RIF1: variants seen among roughly 807,000 people sequenced by gnomAD.
The protein encoded by RIF1 is telomere-associated protein RIF1.
In RIF1, 45 loss-of-function variants were observed where a neutral mutation model predicts 247.1. That is an observed-to-expected ratio of 0.18 (90% CI 0.14 to 0.23). The LOEUF is 0.23. Among genes scored for constraint, RIF1 ranks in the 10% least tolerant of loss-of-function variants. The pLI is 1.00. For synonymous variants in RIF1, 1,087 were observed against 978.8 expected (o/e 1.11, Z -2.06); for missense variants, 2,967 against 2,862.5 (o/e 1.04, Z -0.83).
intron 22 of RIF1, among the ~76,000 whole-genome samples, chr2:151,455,804 T>G (rs1179437767): frequency 6.6e-6 from 1 of 152,180 alleles, no homozygotes; most frequent in African/African-American, 2.4e-5. Context: ...CCATGGATAC[T>G]GAGGGATTTC....
At chr2:151,438,032 T>G (rs190425412) in intron 13 of RIF1, among the ~76,000 whole-genome samples, 1 of 152,336 alleles carries the variant, frequency 6.6e-6, no homozygotes, top group Non-Finnish European at 1.5e-5. Flanking sequence ...TTTTTTCTAT[T>G]GGTTGTTAGA....
downstream of RIF1, chr2:151,508,057 A>C (rs755294228): frequency 1.9e-6 from 3 of 1,611,164 alleles, no homozygotes; most frequent in Non-Finnish European, 2.5e-6. Flanking sequence ...TGGGGTGTCC[A>C]AAACAGTCTC....
intron 15 of RIF1, among the ~76,000 whole-genome samples, chr2:151,440,997 T>G (rs941514179): frequency 6.6e-6 from 1 of 152,174 alleles, no homozygotes; most frequent in African/African-American, 2.4e-5. Context: ...TTCATACCAG[T>G]ATATTACCAC....
chr2:151,534,424 GGC>G, the RIF1 span: 1 of 920,656 alleles, frequency 1.1e-6, no homozygotes. Context: ...CATCTCTAGT[GGC>G]GGGCTCCCAA....
At chr2:151,530,328 C>A in the RIF1 span, among the ~76,000 whole-genome samples, 10 of 152,134 alleles carry the variant, frequency 6.6e-5, no homozygotes, top group Admixed American at 5.2e-4. Context: ...GTTTTTCCAT[C>A]CTGGGCCTGG....
Position 151,481,848 on chromosome 2 carries a change from G to A in RIF1, c.*6777G>A, listed in dbSNP as rs75942488. ...CGCTCATTATGAGAATCTAATACCC[G>A]ATGATCTGAGGTGGAACAGTCTCAT... On this transcript the variant is annotated 3_prime_UTR_variant, in exon 36 of 36. Transcript: ENST00000444746. The A allele has an allele frequency of 6.6e-6, 1 of 152,174 alleles. No homozygotes were observed. The highest frequency in any genetic ancestry group is 1.5e-5 in the Non-Finnish European group (1 of 68,036). 9.4% of individuals were successfully genotyped at this position (152,174 alleles called of 1,614,324 possible).
Position 151,463,290 on chromosome 2 carries a change from T to G in RIF1, c.3770T>G (p.Ile1257Ser). ...GTGAAAAATAACCAGGAAACCATGA[T>G]TAAAACAGATTTTCTACCAAAAGCA... ...VTVKNNQETM[I>S]KTDFLPKAKQ... Residue 1257 changes from isoleucine (I) to serine (S), a missense_variant, in exon 30 of 36, where the codon ATT becomes AGT. This residue lies in a region of RIF1 where 2,028 missense variants were observed against 1,825.6 expected (regional missense o/e 1.11). Transcript: ENST00000444746. 6.2e-7 allele frequency: 1 copy of G among 1,612,710 alleles called. No individual in the cohort carries two copies. Among genetic ancestry groups the G allele is most frequent in the Non-Finnish European group, 8.5e-7 (1 of 1,179,662 alleles).
chr2:151,487,956 T>C (rs1269358493), intron 9 of RIF1, among the ~76,000 whole-genome samples: 1 of 152,154 alleles, frequency 6.6e-6, no homozygotes, highest in Admixed American at 6.5e-5. Context: ...TGATACAATA[T>C]GATATTTGAT....
chr2:151,473,189 TG>T (rs2048688582), intron 34 of RIF1, among the ~76,000 whole-genome samples: 1 of 152,148 alleles, frequency 6.6e-6, no homozygotes, highest in East Asian at 1.9e-4. Context: ...TGCTGAGTCA[TG>T]TGGTTACTGA....
chr2:151,498,071 T>C, intron 10 of RIF1: 1 of 1,459,850 alleles, frequency 6.9e-7, no homozygotes, highest in East Asian at 2.5e-5. Flanking sequence ...CATGTTTGTT[T>C]GTAAATATCA....
At chr2:151,514,750 A>T in the RIF1 span, 1 of 1,123,034 alleles carries the variant, frequency 8.9e-7, no homozygotes. Flanking sequence ...TAGGAGGAAC[A>T]CATTAATGAG....
intron 3 of RIF1, among the ~76,000 whole-genome samples, chr2:151,413,751 A>G (rs1030818601): frequency 1.3e-5 from 2 of 152,218 alleles, no homozygotes; most frequent in African/African-American, 4.8e-5. Flanking sequence ...TTCGTTTTGT[A>G]AATATAGAAG....
In RIF1 at chr2:151,464,380, A is replaced by G; in HGVS notation, c.4860A>G (p.Glu1620=). The change falls in exon 30 of 36, where the codon GAA becomes GAG. Residue 1620 remains glutamate, a synonymous_variant. Coordinates refer to ENST00000444746, the MANE Select transcript of RIF1 (RefSeq NM_018151.5). ...TAAGCATAAAATCTCCGATTTGCGA[A>G]AAACAAGATGAAAGTAATACTGTAA... ...EDVSIKSPIC[E]KQDESNTVIC... 6.2e-7 allele frequency: 1 copy of G among 1,610,390 alleles called. No individual in the cohort carries two copies. The highest frequency in any genetic ancestry group is 2.2e-5 in the East Asian group (1 of 44,864).
chr2:151,465,380 G>A lies in RIF1; in HGVS notation c.5860G>A (p.Ala1954Thr), dbSNP rs1439194110. ...AAATAAAAGAAATGATGACTCTGAAGCAGACACAGCTAAACTGAATGCCAA... is the reference window on the plus strand; with the variant it reads ...AAATAAAAGAAATGATGACTCTGAAACAGACACAGCTAAACTGAATGCCAA... ...EENKRNDDSEADTAKLNAKEV... is the reference protein window; with the variant it reads ...EENKRNDDSETDTAKLNAKEV... Residue 1954 changes from alanine (A) to threonine (T), a missense_variant, in exon 30 of 36, where the codon GCA (alanine) becomes ACA (threonine). By Grantham distance (58) the Ala-to-Thr change is moderately conservative. Coordinates refer to ENST00000444746, the MANE Select transcript of RIF1 (RefSeq NM_018151.5). 16 of 1,613,544 alleles carry A rather than the reference G, an allele frequency of 9.9e-6. No individual in the cohort carries two copies. The highest frequency in any genetic ancestry group is 1.3e-5 in the Non-Finnish European group (15 of 1,179,892).
chr2:151,531,308 C>CTTTTTTTTT, the RIF1 span, among the ~76,000 whole-genome samples: 3 of 84,010 alleles, frequency 3.6e-5, no homozygotes, highest in Non-Finnish European at 6.6e-5. Flanking sequence ...TTTTTTCTTT[C>CTTTTTTTTT]TTTTTTTTTT....
At chr2:151,506,327 C>G in exon 13 of RIF1, 1 of 1,174,636 alleles carries the variant, frequency 8.5e-7, no homozygotes, top group South Asian at 1.4e-5. Flanking sequence ...TGGAGAAAGA[C>G]TAGGACACAT....
chr2:151,513,471 A>G, the RIF1 span: 1 of 763,954 alleles, frequency 1.3e-6, no homozygotes, highest in Non-Finnish European at 2.1e-6. Context: ...CAAGAATGCC[A>G]TTGTATGCAT....
chr2:151,493,282 G>A, intron 9 of RIF1: 1 of 1,140,164 alleles, frequency 8.8e-7, no homozygotes, highest in Non-Finnish European at 1.3e-6. Context: ...AATGAGAAAG[G>A]CGTGTTTTTA....
Position 151,409,927 on chromosome 2 carries a change from G to A in RIF1, c.-117G>A, listed in dbSNP as rs1228311983. 3 of 700,812 alleles carry A rather than the reference G, an allele frequency of 4.3e-6. No homozygotes were observed. In the South Asian group the frequency reaches 4.5e-5, roughly 10 times the overall value. The allele number at this position is 700,812 out of a possible 1,614,324, so 43.4% of individuals were successfully genotyped here. A position where few individuals can be genotyped will look rare whatever the true frequency, so the allele number is the denominator to read the frequency against. ...AGCCGCCATCTTGGTCTAGGAGGGA[G>A]CGCGCCGCACGCGTGAGTAAACAGC... On this transcript the variant is annotated 5_prime_UTR_variant, in exon 1 of 36. Coordinates refer to ENST00000444746, the MANE Select transcript of RIF1 (RefSeq NM_018151.5).
Sources: gnomAD v4.1 joint callset for allele counts (sites outside exome capture counted in the v4.1 genomes callset) on GRCh38, gnomAD v4.1.1 for gene constraint, gnomAD v4.1.1 regional missense constraint, MANE v1.5 for transcripts, NCBI Gene and HGNC (gene_info 2026-07-23, HGNC 2026-07-21) for gene names.